GSG1L2: variants seen among roughly 807,000 people sequenced by gnomAD.
The protein encoded by GSG1L2 is GSG1 like 2.
In GSG1L2, 15 loss-of-function variants were observed where a neutral mutation model predicts 9.0. The observed-to-expected ratio is 1.67, with a 90% CI of 1.12 to 2.57. The LOEUF is 2.57. GSG1L2 is among the 30% of genes most tolerant of loss of function. The probability of loss-of-function intolerance (pLI) is 0.00; values close to 1 mark genes in which losing one functional copy is unlikely to be tolerated. For synonymous variants in GSG1L2, 127 were observed against 57.9 expected, an observed-to-expected ratio of 2.19 and a Z score of -5.41; for missense variants, 286 against 150.3, an observed-to-expected ratio of 1.90 and a Z score of -4.72.
chr17:9,806,808 C>T (rs1368420904), intron 4 of GSG1L2, among the ~76,000 whole-genome samples: 2 of 152,142 alleles, frequency 1.3e-5, no homozygotes, highest in Admixed American at 6.5e-5. Context: ...CATCTTCAGA[C>T]TGGGAAGACG....
chr17:9,803,346 G>A (rs761375974), intron 4 of GSG1L2, among the ~76,000 whole-genome samples: 19 of 152,028 alleles, frequency 1.2e-4, no homozygotes, highest in Non-Finnish European at 2.1e-4. Flanking sequence ...CAGGTGATCC[G>A]CCCGCCTTGG....
At chr17:9,809,720 C>G (rs917067443) in intron 2 of GSG1L2, 1 of 152,168 alleles carries the variant, frequency 6.6e-6, no homozygotes, top group African/African-American at 2.4e-5. Flanking sequence ...AGAAAAGTTC[C>G]TGATTGGTGC....
At chr17:9,808,249 G>T (rs1466524948) in intron 3 of GSG1L2, among the ~76,000 whole-genome samples, 2 of 152,168 alleles carry the variant, frequency 1.3e-5, no homozygotes, top group African/African-American at 2.4e-5. Flanking sequence ...CCACTTAGGA[G>T]ACCCGATTAA....
At chr17:9,808,151 A>G (rs2066523183) in intron 3 of GSG1L2, among the ~76,000 whole-genome samples, 1 of 152,250 alleles carries the variant, frequency 6.6e-6, no homozygotes. Context: ...GGCCTGCTAC[A>G]TGATGAACTT....
In GSG1L2 at chr17:9,820,563, G is replaced by C. The variant is rs966051147; in HGVS notation, c.310+1199C>G. ...AGCACAAGACACAGGCACTGGCCTG[G>C]ATACATGGGAGGTTCAGTCAGGCTG... On this transcript the variant is annotated intron_variant, in intron 1 of 4. Coordinates refer to ENST00000399363, the MANE Select transcript of GSG1L2 (RefSeq NM_001310219.2). The surrounding 1 kb of genome is among the most constrained non-coding windows in gnomAD (Gnocchi z 4.9). Among the ~76,000 whole-genome samples, 2 of 152,152 alleles carry C rather than the reference G, an allele frequency of 1.3e-5. No homozygotes were observed. Among genetic ancestry groups the C allele is most frequent in the Admixed American group, 1.3e-4 (2 of 15,276 alleles).
intron 1 of GSG1L2, among the ~76,000 whole-genome samples, chr17:9,813,038 C>T (rs534975370): frequency 1.3e-5 from 2 of 152,330 alleles, no homozygotes; most frequent in Non-Finnish European, 2.9e-5. Flanking sequence ...AAGGCCCCCA[C>T]CTCCTAATAC....
chr17:9,816,490 G>C lies in GSG1L2; in HGVS notation c.310+5272C>G, dbSNP rs1223922788. ...CGTGTGCGTGTCTGTGTGTGTGCAT[G>C]TGTCTGTGTGTGCCTGTCTGTGTGT... is the stretch of plus-strand genomic sequence containing the variant. On this transcript the variant is annotated intron_variant, in intron 1 of 4. Transcript: ENST00000399363. 7.3e-5 allele frequency among the ~76,000 whole-genome samples: 9 copies of C among 123,046 alleles called. No homozygotes were observed. The East Asian group carries it at 2.1e-3, about 29-fold the overall frequency. 80.7% of individuals were successfully genotyped at this position (123,046 alleles called of 152,430 possible). A position where few individuals can be genotyped will look rare whatever the true frequency, so the allele number is the denominator to read the frequency against.
At chr17:9,810,483 T>A (rs922675386) in intron 2 of GSG1L2, 88 bp downstream of exon 2, 12 of 681,462 alleles carry the variant, frequency 1.8e-5, no homozygotes, top group Admixed American at 2.1e-5. Flanking sequence ...AATGACTCCC[T>A]CATCATTTCC....
intron 2 of GSG1L2, chr17:9,809,570 A>C (rs2066531272): frequency 6.4e-6 from 1 of 157,268 alleles, no homozygotes; most frequent in Non-Finnish European, 1.4e-5. Context: ...CCCTTTTTCC[A>C]GTCCTCCCCG....
intron 2 of GSG1L2, chr17:9,809,208 TG>T: frequency 4.4e-6 from 2 of 454,512 alleles, no homozygotes; most frequent in Non-Finnish European, 7.9e-6. Flanking sequence ...GGCGGTGGGG[TG>T]GGGGCGGGGA....
chr17:9,802,270 T>C lies in GSG1L2; in HGVS notation c.*116A>G, dbSNP rs73976609. The C allele has an allele frequency of 6.4e-3, 3,670 of 575,192 alleles. 101 individuals are homozygous for C. Among genetic ancestry groups the C allele is most frequent in the African/African-American group, 0.056 (3,026 of 53,682 alleles). The allele number at this position is 575,192 out of a possible 1,614,324, so 35.6% of individuals were successfully genotyped here. On this transcript the variant is annotated 3_prime_UTR_variant, in exon 5 of 5. Transcript: ENST00000399363. ...AAGGTGAGATGTGGAGGGGTGGGGA[T>C]GGAAGCTTTCCCTGGACAACAATCT... is the stretch of plus-strand genomic sequence containing the variant.
intron 1 of GSG1L2, among the ~76,000 whole-genome samples, chr17:9,816,357 C>T (rs187273736): frequency 1.3e-4 from 15 of 118,774 alleles, no homozygotes; most frequent in African/African-American, 4.8e-4. Flanking sequence ...CACGTGCACG[C>T]GTATGCGTGT....
At chr17:9,817,339 C>T (rs1388456452) in intron 1 of GSG1L2, among the ~76,000 whole-genome samples, 1 of 152,088 alleles carries the variant, frequency 6.6e-6, no homozygotes, top group African/African-American at 2.4e-5. Flanking sequence ...GTCTAATTTT[C>T]CAACTCTGTC....
rs1164685695 is a variant in GSG1L2 at position 9,802,394 on chromosome 17, T to G, written c.874A>C (p.Ile292Leu). 1.5e-6 allele frequency: 1 copy of G among 664,470 alleles called. No homozygotes were observed. The highest frequency in any genetic ancestry group is 1.8e-5 in the African/African-American group (1 of 56,312). 41.2% of individuals were successfully genotyped at this position (664,470 alleles called of 1,614,324 possible). A position where few individuals can be genotyped will look rare whatever the true frequency, so the allele number is the denominator to read the frequency against. Residue 292 changes from isoleucine (I) to leucine (L), a missense_variant, in exon 5 of 5, where the codon ATA (isoleucine) becomes CTA (leucine). Ile to Leu is a conservative substitution (Grantham distance 5). Coordinates refer to ENST00000399363, the MANE Select transcript of GSG1L2 (RefSeq NM_001310219.2). Reference sequence around the variant, plus strand: ...GCAGCCATGGACACTGGCTAGCATATGGACACCTTGCCTGGGGCGCCTGGT... The same window carrying G: ...GCAGCCATGGACACTGGCTAGCATAGGGACACCTTGCCTGGGGCGCCTGGT... ...LPPGAPGKVS[I>L]C
rs1396837755 is a variant in GSG1L2 at position 9,822,051 on chromosome 17, C to T, written c.21G>A (p.Gln7=). Residue 7 remains glutamine, a synonymous_variant, in exon 1 of 5, where the codon CAG becomes CAA. Transcript: ENST00000399363. MDRAKQ[Q]QALLLLPVCL... ...AGACAGGGAGGAGGAGCAGCGCCTG[C>T]TGCTGCTTGGCCCTGTCCATGGCTG... 1.4e-6 allele frequency: 1 copy of T among 701,684 alleles called. No individual in the cohort carries two copies. The highest frequency in any genetic ancestry group is 2.0e-5 in the Admixed American group (1 of 50,014). 43.5% of individuals were successfully genotyped at this position (701,684 alleles called of 1,614,324 possible).
intron 1 of GSG1L2, among the ~76,000 whole-genome samples, chr17:9,816,572 G>GTCTGTGTC (rs2066563406): frequency 9.9e-6 from 1 of 100,702 alleles, no homozygotes; most frequent in Non-Finnish European, 1.8e-5. Flanking sequence ...GCATATCTGT[G>GTCTGTGTC]TCTGTGTGTG....
intron 1 of GSG1L2, among the ~76,000 whole-genome samples, chr17:9,815,841 C>T (rs11655549): frequency 0.52 from 78,740 of 151,986 alleles, 21,469 homozygotes; most frequent in East Asian, 0.99. Flanking sequence ...AATTTAATCC[C>T]TAGTGAGGCA....
chr17:9,810,047 C>T (rs1330455750), intron 2 of GSG1L2: 1 of 154,092 alleles, frequency 6.5e-6, no homozygotes, highest in South Asian at 2.0e-4. Context: ...GGAAATTCAT[C>T]TTTGCGAAAG....
intron 1 of GSG1L2, among the ~76,000 whole-genome samples, chr17:9,818,560 T>G (rs1304772406): frequency 7.1e-6 from 1 of 141,338 alleles, no homozygotes; most frequent in Non-Finnish European, 1.5e-5. Context: ...TTCACTGGGT[T>G]GGCCAGGCTG....
Sources: allele counts gnomAD v4.1 joint callset (sites outside exome capture counted in the v4.1 genomes callset), GRCh38; gene constraint gnomAD v4.1.1; non-coding constraint Gnocchi (gnomAD v3.1); transcripts MANE v1.5; gene names NCBI Gene and HGNC (gene_info 2026-07-23, HGNC 2026-07-21).